Variants in KMT2C observed in about 807,000 individuals in gnomAD.
KMT2C encodes the protein histone-lysine N-methyltransferase 2C.
A neutral mutation model predicts 507.9 loss-of-function variants in KMT2C; 88 were observed. The ratio of observed to expected loss-of-function variants is 0.17; its 90% CI spans 0.15 to 0.21. KMT2C has a LOEUF of 0.21. KMT2C is among the 10% of genes least tolerant of loss of function. The pLI is 1.00. For missense variants in KMT2C, 4,954 were observed against 5,957.8 expected, an observed-to-expected ratio of 0.83 and a Z score of 5.55; for synonymous variants, 2,049 against 2,080.8, an observed-to-expected ratio of 0.98 and a Z score of 0.42.
At chr7:152,167,078 G>C in intron 42 of KMT2C, 68 bp downstream of exon 42, 1 of 1,301,258 alleles carries the variant, frequency 7.7e-7, no homozygotes, top group South Asian at 1.3e-5. Flanking sequence ...AGTCACTAAT[G>C]AACAACACAC....
intron 2 of KMT2C, among the ~76,000 whole-genome samples, chr7:152,337,291 G>T (rs2096944222): frequency 6.6e-6 from 1 of 152,126 alleles, no homozygotes; most frequent in South Asian, 2.1e-4. Context: ...ATAAAAAAGA[G>T]AACCTAATCA....
At chr7:152,319,029 T>A (rs1322449875) in intron 3 of KMT2C, among the ~76,000 whole-genome samples, 1 of 152,144 alleles carries the variant, frequency 6.6e-6, no homozygotes. Flanking sequence ...ATATCACAAG[T>A]AGAAAATTTC....
intron 18 of KMT2C, among the ~76,000 whole-genome samples, chr7:152,228,626 A>C (rs2129150024): frequency 6.6e-6 from 1 of 152,310 alleles, no homozygotes; most frequent in South Asian, 2.1e-4. Context: ...ACTCATCTGT[A>C]AAATGGGAAT....
At chr7:152,153,493 G>T (rs111995712) in intron 48 of KMT2C, among the ~76,000 whole-genome samples, 1 of 152,158 alleles carries the variant, frequency 6.6e-6, no homozygotes, top group Admixed American at 6.5e-5. Context: ...CATTTCTATT[G>T]CTTCTGCAAA....
chr7:152,354,215 C>T (rs915010648), intron 2 of KMT2C, among the ~76,000 whole-genome samples: 1 of 152,050 alleles, frequency 6.6e-6, no homozygotes, highest in Non-Finnish European at 1.5e-5. Flanking sequence ...TAGGAGACAG[C>T]ATGAGAAGAC....
rs2089850123 is a variant in KMT2C at position 152,136,045 on chromosome 7, A to AT, written c.*786dup. The AT allele has an allele frequency of 4.5e-6, 1 of 221,480 alleles. No homozygotes were observed. Among genetic ancestry groups the AT allele is most frequent in the Non-Finnish European group, 9.1e-6 (1 of 110,472 alleles). The allele number at this position is 221,480 out of a possible 1,614,324, so 13.7% of individuals were successfully genotyped here. Reference sequence around the variant, plus strand: ...TGGTCAATAACTATTTTTATACTGTATTTTTTCTCAAAATATTTACATATC... The same window carrying AT: ...TGGTCAATAACTATTTTTATACTGTATTTTTTTCTCAAAATATTTACATATC... On this transcript the variant is annotated 3_prime_UTR_variant, in exon 59 of 59. Transcript: ENST00000262189.
intron 52 of KMT2C, among the ~76,000 whole-genome samples, 173 bp from the exon 53 acceptor site, chr7:152,146,908 G>A (rs184421122): frequency 5.9e-5 from 9 of 152,174 alleles, no homozygotes; most frequent in Admixed American, 2.0e-4. Flanking sequence ...TTATTAAATG[G>A]CAGCAATTTT....
At chr7:152,142,854 A>G (rs945926087) in intron 55 of KMT2C, among the ~76,000 whole-genome samples, 18 of 152,230 alleles carry the variant, frequency 1.2e-4, no homozygotes, top group African/African-American at 3.1e-4. Context: ...CCATTTTTAT[A>G]TATGTACATA....
intron 31 of KMT2C, 67 bp from the exon 32 acceptor site, chr7:152,187,914 G>C (rs2093674023): frequency 6.7e-7 from 1 of 1,503,074 alleles, no homozygotes; most frequent in Admixed American, 1.8e-5. Flanking sequence ...AGTAAAGCTG[G>C]CCCTTGAACA....
intron 1 of KMT2C, among the ~76,000 whole-genome samples, chr7:152,415,018 TA>T (rs565820062): frequency 0.015 from 2,324 of 152,172 alleles, 33 homozygotes; most frequent in Middle Eastern, 0.041. Flanking sequence ...GCTAATTTTT[TA>T]TTTTTTTGTA....
At chr7:152,334,183 C>A (rs937585282) in intron 2 of KMT2C, among the ~76,000 whole-genome samples, 3 of 152,104 alleles carry the variant, frequency 2.0e-5, no homozygotes, top group Non-Finnish European at 1.5e-5. Flanking sequence ...GGGCCGGGTG[C>A]GGTGGCTCAC....
At chr7:152,424,535 A>G (rs2097798899) in intron 1 of KMT2C, among the ~76,000 whole-genome samples, 1 of 151,784 alleles carries the variant, frequency 6.6e-6, no homozygotes, top group South Asian at 2.1e-4. Context: ...CAATCCTCCC[A>G]CCTCAGCCTC....
In KMT2C at chr7:152,152,854, A is replaced by G. The variant is rs1425575563; in HGVS notation, c.12377T>C (p.Leu4126Ser). 5.0e-6 allele frequency: 8 copies of G among 1,614,088 alleles called. No homozygotes were observed. Among genetic ancestry groups the G allele is most frequent in the Non-Finnish European group, 6.8e-6 (8 of 1,180,036 alleles). Residue 4126 changes from leucine (L) to serine (S), a missense_variant, in exon 49 of 59, where the codon TTG becomes TCG. This residue lies in a region of KMT2C where 417 missense variants were observed against 461.1 expected (regional missense o/e 0.90). Coordinates refer to ENST00000262189, the MANE Select transcript of KMT2C (RefSeq NM_170606.3). ...SSAPDVPSMG[L>S]VSSHRINPGL... Reference sequence around the variant, plus strand: ...CGGGTTGATTCTGTGGCTACTGACCAAACCCATGGATGGGACATCTGGAGC... The same window carrying G: ...CGGGTTGATTCTGTGGCTACTGACCGAACCCATGGATGGGACATCTGGAGC...
At chr7:152,395,892 T>C (rs2097535436) in intron 1 of KMT2C, among the ~76,000 whole-genome samples, 1 of 152,342 alleles carries the variant, frequency 6.6e-6, no homozygotes, top group African/African-American at 2.4e-5. Flanking sequence ...CTGCCCACTC[T>C]TAGCCAATTA....
At position 152,181,133 on chromosome 7, in the gene KMT2C, G is replaced by C; in HGVS notation, c.6727C>G (p.Leu2243Val). The change falls in exon 36 of 59, where the codon CTC (leucine) becomes GTC (valine). Residue 2243 changes from leucine (L) to valine (V), a missense_variant. This residue lies in a region of KMT2C where 1,689 missense variants were observed against 1,654.3 expected (regional missense o/e 1.02). Transcript: ENST00000262189. ...FTRSSMTRPV[L>V]MPNQDPFLQA... Reference sequence around the variant, plus strand: ...AGGAAAGGATCCTGATTTGGCATGAGGACTGGTCTTGTCATTGAGGACCTA... The same window carrying C: ...AGGAAAGGATCCTGATTTGGCATGACGACTGGTCTTGTCATTGAGGACCTA... 6.2e-7 allele frequency: 1 copy of C among 1,614,158 alleles called. No individual in the cohort carries two copies. Among genetic ancestry groups the C allele is most frequent in the East Asian group, 2.2e-5 (1 of 44,878 alleles).
chr7:152,419,114 G>A (rs979756650), intron 1 of KMT2C, among the ~76,000 whole-genome samples: 3 of 152,086 alleles, frequency 2.0e-5, no homozygotes, highest in African/African-American at 7.2e-5. Flanking sequence ...CATTTTGGGA[G>A]GCCAAGGCAG....
chr7:152,289,658 G>A (rs2096373334), intron 6 of KMT2C, among the ~76,000 whole-genome samples: 1 of 152,172 alleles, frequency 6.6e-6, no homozygotes, highest in South Asian at 2.1e-4. Context: ...TGGACAATAA[G>A]AAGATTTGAA....
chr7:152,275,353 G>C (rs2129178638), intron 6 of KMT2C, among the ~76,000 whole-genome samples: 1 of 152,256 alleles, frequency 6.6e-6, no homozygotes, highest in Admixed American at 6.5e-5. Context: ...GACCATCCTG[G>C]CTAACACAGT....
chr7:152,269,838 T>C (rs1588748424), intron 7 of KMT2C, among the ~76,000 whole-genome samples: 4 of 152,036 alleles, frequency 2.6e-5, no homozygotes, highest in Admixed American at 6.6e-5. Flanking sequence ...AACAAAATGA[T>C]CATCTTTAGA....
Sources: allele counts gnomAD v4.1 joint callset (sites outside exome capture counted in the v4.1 genomes callset), GRCh38; gene constraint gnomAD v4.1.1; regional missense constraint gnomAD v4.1.1; transcripts MANE v1.5; gene names NCBI Gene and HGNC (gene_info 2026-07-23, HGNC 2026-07-21).